LINGO2: variants seen among roughly 807,000 people sequenced by gnomAD.
LINGO2 encodes the protein leucine rich repeat and Ig domain containing 2.
Under a neutral mutation model 30.6 loss-of-function variants are expected in LINGO2, and 14 were observed. The ratio of observed to expected loss-of-function variants is 0.46; its 90% CI spans 0.30 to 0.72. LINGO2 has a LOEUF of 0.72. LINGO2 is among the 30% of genes least tolerant of loss of function. LINGO2 has a pLI of 0.07. For missense variants in LINGO2, 729 were observed against 751.7 expected (o/e 0.97, Z 0.35); for synonymous variants, 317 against 288.5 (o/e 1.10, Z -1.00).
the LINGO2 span, among the ~76,000 whole-genome samples, chr9:29,078,426 A>G: frequency 0.022 from 3,332 of 152,070 alleles, 119 homozygotes; most frequent in African/African-American, 0.075. Flanking sequence ...TAGAAAATGA[A>G]ATGTCTTAAG....
chr9:28,024,918 C>T (rs1224457824), intron 4 of LINGO2, among the ~76,000 whole-genome samples: 1 of 152,146 alleles, frequency 6.6e-6, no homozygotes, highest in Non-Finnish European at 1.5e-5. Context: ...TGACTGTAGA[C>T]TCTGGTAATG....
chr9:28,906,848 T>C, the LINGO2 span, among the ~76,000 whole-genome samples: 1 of 151,872 alleles, frequency 6.6e-6, no homozygotes, highest in Non-Finnish European at 1.5e-5. Flanking sequence ...TACAAGGTAC[T>C]CTCTGAATCA....
the LINGO2 span, among the ~76,000 whole-genome samples, chr9:28,779,311 G>A: frequency 6.6e-6 from 1 of 152,142 alleles, no homozygotes; most frequent in African/African-American, 2.4e-5. Flanking sequence ...ACATAATTTA[G>A]GTATTTGGGG....
At position 28,129,606 on chromosome 9, in the gene LINGO2, G is replaced by A. The variant is rs1157445407; in HGVS notation, c.-86-117201C>T. 5 of 152,192 alleles carry A rather than the reference G, an allele frequency of 3.3e-5. No individual in the cohort carries two copies. In the East Asian group the frequency reaches 9.6e-4, roughly 29 times the overall value. The allele number at this position is 152,192 out of a possible 1,614,324, so 9.4% of individuals were successfully genotyped here. A position where few individuals can be genotyped will look rare whatever the true frequency, so the allele number is the denominator to read the frequency against. On this transcript the variant is annotated intron_variant, in intron 4 of 5. Coordinates refer to ENST00000379992, the Ensembl canonical transcript of LINGO2. The surrounding 1 kb of genome is among the most constrained non-coding windows in gnomAD (Gnocchi z 4.0). ...ACTTGACCTATCTGCCTGTACGTAA[G>A]TAGCTAAAACTCATCAATCACCTGA...
chr9:28,453,725 T>C (rs552997199), intron 2 of LINGO2, among the ~76,000 whole-genome samples: 130 of 152,100 alleles, frequency 8.5e-4, no homozygotes, highest in African/African-American at 2.4e-3. Context: ...CTTTATTTCA[T>C]TGATGCTCCT....
chr9:28,409,954 G>A (rs1822688001), intron 2 of LINGO2, among the ~76,000 whole-genome samples: 1 of 114,600 alleles, frequency 8.7e-6, no homozygotes, highest in African/African-American at 4.5e-5. Context: ...GAGAAAGGCA[G>A]GGAGGGTGTG....
chr9:28,294,824 C>A (rs74494342), intron 4 of LINGO2, among the ~76,000 whole-genome samples: 3,022 of 152,222 alleles, frequency 0.02, 92 homozygotes, highest in African/African-American at 0.068. Flanking sequence ...ATGCCATGAA[C>A]TGATATTCAC....
At chr9:29,070,139 G>C in the LINGO2 span, among the ~76,000 whole-genome samples, 2 of 151,576 alleles carry the variant, frequency 1.3e-5, no homozygotes, top group East Asian at 3.9e-4. Context: ...ATATTCAAAA[G>C]AACTCCTATT....
intron 4 of LINGO2, among the ~76,000 whole-genome samples, chr9:28,291,481 G>A (rs1823727032): frequency 1.3e-5 from 2 of 152,140 alleles, no homozygotes; most frequent in Non-Finnish European, 2.9e-5. Context: ...TGGATAAAAT[G>A]CTCTGCCCGT....
chr9:27,991,934 C>G (rs1470510044), intron 5 of LINGO2, among the ~76,000 whole-genome samples: 1 of 152,024 alleles, frequency 6.6e-6, no homozygotes, highest in South Asian at 2.1e-4. Context: ...TTTCACCTGT[C>G]TCTCAATTTC....
the LINGO2 span, among the ~76,000 whole-genome samples, chr9:28,955,827 G>A: frequency 2.9e-4 from 44 of 152,150 alleles, no homozygotes; most frequent in African/African-American, 9.6e-4. Flanking sequence ...TATGTATGTA[G>A]AGATAAGGTC....
At chr9:29,056,181 T>C in the LINGO2 span, among the ~76,000 whole-genome samples, 2 of 152,122 alleles carry the variant, frequency 1.3e-5, no homozygotes, top group South Asian at 2.1e-4. Context: ...ATCTCCATAG[T>C]TTTCCATAGT....
At chr9:28,700,782 G>A in the LINGO2 span, among the ~76,000 whole-genome samples, 1 of 152,122 alleles carries the variant, frequency 6.6e-6, no homozygotes, top group African/African-American at 2.4e-5. Flanking sequence ...TGAATAAGAG[G>A]TCCTGTCACT....
At chr9:29,129,820 T>C in the LINGO2 span, among the ~76,000 whole-genome samples, 1 of 152,046 alleles carries the variant, frequency 6.6e-6, no homozygotes, top group Admixed American at 6.6e-5. Context: ...GAGATGGTGG[T>C]TTTGTATGAG....
chr9:28,762,620 C>T, the LINGO2 span, among the ~76,000 whole-genome samples: 1 of 152,000 alleles, frequency 6.6e-6, no homozygotes, highest in African/African-American at 2.4e-5. Flanking sequence ...CCCTTGGACA[C>T]TTGCTGCTGC....
the LINGO2 span, among the ~76,000 whole-genome samples, chr9:28,698,111 A>G: frequency 3.9e-5 from 6 of 152,200 alleles, no homozygotes; most frequent in South Asian, 2.1e-4. Context: ...AAGACACTAC[A>G]TATACAATCA....
chr9:28,869,301 C>T, the LINGO2 span, among the ~76,000 whole-genome samples: 7,545 of 151,904 alleles, frequency 0.05, 240 homozygotes, highest in Non-Finnish European at 0.073. Context: ...ACTGTAATGA[C>T]GGACAAGTGT....
intron 1 of LINGO2, among the ~76,000 whole-genome samples, chr9:28,505,324 C>T (rs1228074225): frequency 6.6e-6 from 1 of 151,834 alleles, no homozygotes; most frequent in Non-Finnish European, 1.5e-5. Flanking sequence ...CAAAATGTTC[C>T]TCAGCAGCTG....
chr9:28,452,197 A>G (rs747765796), intron 2 of LINGO2, among the ~76,000 whole-genome samples: 2 of 151,822 alleles, frequency 1.3e-5, no homozygotes, highest in Non-Finnish European at 2.9e-5. Context: ...CAATATTCAG[A>G]CAATTACTCT....
Sources: gnomAD v4.1 joint callset for allele counts (sites outside exome capture counted in the v4.1 genomes callset) on GRCh38, gnomAD v4.1.1 for gene constraint, Gnocchi (gnomAD v3.1) non-coding constraint, MANE v1.5 for transcripts, NCBI Gene and HGNC (gene_info 2026-07-23, HGNC 2026-07-21) for gene names.